SACM1L: variants seen among roughly 807,000 people sequenced by gnomAD.
SACM1L encodes SAC1 like phosphatidylinositide phosphatase.
In SACM1L, 32 loss-of-function variants were observed where a neutral mutation model predicts 89.5. The ratio of observed to expected loss-of-function variants is 0.36; its 90% CI spans 0.27 to 0.48. The LOEUF (loss-of-function observed/expected upper bound fraction) is 0.48. Ranked by LOEUF, SACM1L falls within the 20% of genes least tolerant of loss-of-function variation. SACM1L has a pLI of 0.99. For missense variants in SACM1L, 543 were observed against 708.5 expected (o/e 0.77, Z 2.65); for synonymous variants, 213 against 232.8 (o/e 0.92, Z 0.77).
At position 45,743,978 on chromosome 3, in the gene SACM1L, T is replaced by C. The variant is rs1333547927; in HGVS notation, c.*309T>C. ...TATTGATTGTCAATTTAATTAGCTG[T>C]TGCAGAATAAGTAATATATTTTAAA... On this transcript the variant is annotated 3_prime_UTR_variant, in exon 20 of 20. Coordinates refer to ENST00000389061, the MANE Select transcript of SACM1L (RefSeq NM_014016.5). The C allele has an allele frequency of 4.8e-6, 1 of 208,688 alleles. No homozygotes were observed. Among genetic ancestry groups the C allele is most frequent in the Non-Finnish European group, 9.5e-6 (1 of 105,444 alleles). The allele number at this position is 208,688 out of a possible 1,614,324, so 12.9% of individuals were successfully genotyped here.
At chr3:45,716,827 CATTTTAAAA>C (rs1698673872) in intron 7 of SACM1L, among the ~76,000 whole-genome samples, 1 of 152,138 alleles carries the variant, frequency 6.6e-6, no homozygotes, top group Non-Finnish European at 1.5e-5. Context: ...AATACACTCA[CATTTTAAAA>C]GTTATGCTGA....
intron 1 of SACM1L, among the ~76,000 whole-genome samples, chr3:45,699,837 T>G (rs1371303057): frequency 6.6e-6 from 1 of 152,214 alleles, no homozygotes; most frequent in Non-Finnish European, 1.5e-5. Context: ...AAACTTTTAA[T>G]TGCTTATAAT....
rs145952832 is a variant in SACM1L at position 45,702,427 on chromosome 3, T to G, written c.33-1011T>G. ...ACAGATAGAACAGATAGAAATTCTTTTAAGTCTGGTTTGTGAACAATAAAG... is the reference window on the plus strand; with the variant it reads ...ACAGATAGAACAGATAGAAATTCTTGTAAGTCTGGTTTGTGAACAATAAAG... On this transcript the variant is annotated intron_variant, in intron 1 of 19. Transcript: ENST00000389061. 8.4e-4 allele frequency among the ~76,000 whole-genome samples: 128 copies of G among 152,328 alleles called. 1 individual carries two copies. The highest frequency in any genetic ancestry group is 3.0e-3 in the African/African-American group (123 of 41,570).
chr3:45,701,520 TA>T (rs905462421), intron 1 of SACM1L, among the ~76,000 whole-genome samples: 36 of 152,146 alleles, frequency 2.4e-4, no homozygotes, highest in African/African-American at 8.4e-4. Flanking sequence ...ATAGTGGGTT[TA>T]AAAAAAATGG....
chr3:45,707,094 G>GTTT, intron 4 of SACM1L, 187 bp downstream of exon 4: 20 of 365,462 alleles, frequency 5.5e-5, no homozygotes, highest in Middle Eastern at 7.4e-4. Context: ...TGTTGCTCTT[G>GTTT]TTTTTTTTTT....
rs1256615735 is a variant in SACM1L at position 45,722,785 on chromosome 3, T to C, written c.766-84T>C. The C allele has an allele frequency of 7.3e-6, 7 of 960,090 alleles. No homozygotes were observed. The East Asian group carries it at 1.8e-4, about 25-fold the overall frequency. 59.5% of individuals were successfully genotyped at this position (960,090 alleles called of 1,614,324 possible). The stretch of plus-strand genomic sequence containing the variant: ...TTAGTTTTTTCCCTTGCATATTCAT[T>C]AATATATACACCCCTGACAATAAGT... On this transcript the variant is annotated intron_variant, in intron 9 of 19. Coordinates refer to ENST00000389061, the MANE Select transcript of SACM1L (RefSeq NM_014016.5).
chr3:45,709,038 A>T (rs1273548382), intron 4 of SACM1L, among the ~76,000 whole-genome samples: 1 of 152,184 alleles, frequency 6.6e-6, no homozygotes, highest in Non-Finnish European at 1.5e-5. Context: ...AATGTGGATG[A>T]TGTTAGTATC....
At chr3:45,719,950 G>A (rs115718866) in intron 8 of SACM1L, among the ~76,000 whole-genome samples, 3,641 of 152,258 alleles carry the variant, frequency 0.024, 146 homozygotes, top group African/African-American at 0.083. Flanking sequence ...CATGCATGAA[G>A]CTAGTCATTT....
chr3:45,709,785 T>A, intron 5 of SACM1L, 138 bp downstream of exon 5: 2 of 720,092 alleles, frequency 2.8e-6, no homozygotes, highest in Non-Finnish European at 4.4e-6. Context: ...AAATATACCC[T>A]GTTTTAAATA....
At chr3:45,728,465 C>G (rs1698975217) in intron 11 of SACM1L, among the ~76,000 whole-genome samples, 1 of 151,700 alleles carries the variant, frequency 6.6e-6, no homozygotes, top group South Asian at 2.1e-4. Flanking sequence ...TAGCTGTTTT[C>G]TTTGTGGTTA....
chr3:45,741,920 A>G (rs1699324534), intron 19 of SACM1L, among the ~76,000 whole-genome samples: 2 of 152,228 alleles, frequency 1.3e-5, no homozygotes, highest in Admixed American at 1.3e-4. Flanking sequence ...AAGAGGCAGC[A>G]TGTGCCGGTT....
At chr3:45,701,959 A>G (rs1317957912) in intron 1 of SACM1L, among the ~76,000 whole-genome samples, 1 of 152,250 alleles carries the variant, frequency 6.6e-6, no homozygotes, top group Non-Finnish European at 1.5e-5. Context: ...AAATGAATGG[A>G]TCAACAAATT....
intron 19 of SACM1L, 132 bp downstream of exon 19, chr3:45,739,776 A>T: frequency 1.2e-6 from 1 of 828,324 alleles, no homozygotes. Flanking sequence ...ATGTGACATT[A>T]GATTGTCATT....
intron 3 of SACM1L, among the ~76,000 whole-genome samples, chr3:45,705,447 G>A (rs759660319): frequency 1.3e-5 from 2 of 149,840 alleles, no homozygotes; most frequent in African/African-American, 4.9e-5. Context: ...TTCAGTTAGA[G>A]TTGAAATCCT....
Position 45,735,503 on chromosome 3 carries a change from C to T in SACM1L, c.1239+130C>T, listed in dbSNP as rs1575411140. ...CAGCTCTTTTTATTTTTGTGTCTTGCCCATGGATGTCACATTTTCCATAAC... is the reference window on the plus strand; with the variant it reads ...CAGCTCTTTTTATTTTTGTGTCTTGTCCATGGATGTCACATTTTCCATAAC... On this transcript the variant is annotated intron_variant, in intron 14 of 19. Coordinates refer to ENST00000389061, the MANE Select transcript of SACM1L (RefSeq NM_014016.5). 3.5e-6 allele frequency: 3 copies of T among 861,406 alleles called. No homozygotes were observed. In the East Asian group the frequency reaches 8.7e-5, roughly 25 times the overall value. 53.4% of individuals were successfully genotyped at this position (861,406 alleles called of 1,614,324 possible). A position where few individuals can be genotyped will look rare whatever the true frequency, so the allele number is the denominator to read the frequency against.
rs142594038 is a variant in SACM1L, at chr3:45,726,294, A to G, written c.921+2751A>G. On this transcript the variant is annotated intron_variant, in intron 11 of 19. Coordinates refer to ENST00000389061, the MANE Select transcript of SACM1L (RefSeq NM_014016.5). ...TGTTAATTCTCTAAATTTTGGTACA[A>G]TTCACTGGTGAGTTCACTAGTAAAG... 2.6e-3 allele frequency among the ~76,000 whole-genome samples: 390 copies of G among 151,604 alleles called. 1 individual carries two copies. The highest frequency in any genetic ancestry group is 8.6e-3 in the African/African-American group (357 of 41,384).
At chr3:45,700,400 G>T (rs1234457564) in intron 1 of SACM1L, among the ~76,000 whole-genome samples, 3 of 152,180 alleles carry the variant, frequency 2.0e-5, no homozygotes, top group Non-Finnish European at 4.4e-5. Context: ...GGTCAAAACT[G>T]TGTCACCTTC....
At position 45,743,663 on chromosome 3, in the gene SACM1L, A is replaced by G; in HGVS notation, c.1758A>G (p.Ile586Met). 6.2e-7 allele frequency: 1 copy of G among 1,612,466 alleles called. No homozygotes were observed. Among genetic ancestry groups the G allele is most frequent in the Non-Finnish European group, 8.5e-7 (1 of 1,179,476 alleles). The stretch of plus-strand genomic sequence containing the variant: ...CCAGACTGGTCCAGAAAGAAAAGAT[A>G]GACTGAATTTGTATTTGTGGAAAGC... Reference protein sequence around the residue: ...DAPRLVQKEKID With the variant: ...DAPRLVQKEKMD The change falls in exon 20 of 20, where the codon ATA (isoleucine) becomes ATG (methionine). Residue 586 changes from isoleucine (I) to methionine (M), a missense_variant. This residue lies in a region of SACM1L where 370 missense variants were observed against 527.6 expected (regional missense o/e 0.70). Coordinates refer to ENST00000389061, the MANE Select transcript of SACM1L (RefSeq NM_014016.5).
At chr3:45,739,032 G>A (rs1196885052) in intron 18 of SACM1L, among the ~76,000 whole-genome samples, 159 bp downstream of exon 18, 4 of 152,150 alleles carry the variant, frequency 2.6e-5, no homozygotes, top group Non-Finnish European at 4.4e-5. Context: ...GAGGAGTACA[G>A]TAACTGTGGA....
Sources: allele counts gnomAD v4.1 joint callset (sites outside exome capture counted in the v4.1 genomes callset), GRCh38; gene constraint gnomAD v4.1.1; regional missense constraint gnomAD v4.1.1; transcripts MANE v1.5; gene names NCBI Gene and HGNC (gene_info 2026-07-23, HGNC 2026-07-21).